CAPZA1: variants seen among roughly 807,000 people sequenced by gnomAD.
CAPZA1 encodes F-actin-capping protein subunit alpha-1.
Under a neutral mutation model 40.8 loss-of-function variants are expected in CAPZA1, and 10 were observed. The observed-to-expected ratio is 0.25, with a 90% CI of 0.15 to 0.42. The LOEUF is 0.42. CAPZA1 is among the 10% of genes least tolerant of loss of function. The pLI is 1.00. For synonymous variants in CAPZA1, 98 were observed against 115.0 expected, an observed-to-expected ratio of 0.85 and a Z score of 0.95; for missense variants, 277 against 353.8, an observed-to-expected ratio of 0.78 and a Z score of 1.74.
intron 7 of CAPZA1, chr1:112,666,781 C>T (rs1374663550): frequency 7.6e-6 from 2 of 264,328 alleles, no homozygotes; most frequent in African/African-American, 4.4e-5. Context: ...ATCTCATTTA[C>T]CTTTGTATTC....
rs759574473 is a variant in CAPZA1, at chr1:112,619,856, C to T, written c.12C>T (p.Phe4=). The T allele has an allele frequency of 3.1e-6, 5 of 1,613,100 alleles. No individual in the cohort carries two copies. Among genetic ancestry groups the T allele is most frequent in the East Asian group, 4.5e-5 (2 of 44,830 alleles). ...CAGAACAGCCCAAGATGGCCGACTT[C>T]GATGATCGTGTGTCGGATGAGGAGA... MAD[F]DDRVSDEEKV... The change falls in exon 1 of 10, where the codon TTC becomes TTT. Residue 4 remains phenylalanine, a synonymous_variant. Coordinates refer to ENST00000263168, the MANE Select transcript of CAPZA1 (RefSeq NM_006135.3).
chr1:112,668,199 C>CAGG (rs1164958977), intron 8 of CAPZA1, among the ~76,000 whole-genome samples: 2 of 152,048 alleles, frequency 1.3e-5, no homozygotes, highest in Non-Finnish European at 2.9e-5. Context: ...CACCTCAGCC[C>CAGG]AGGAAGGTTG....
chr1:112,648,434 T>A (rs565264705), intron 2 of CAPZA1, among the ~76,000 whole-genome samples: 2 of 146,668 alleles, frequency 1.4e-5, no homozygotes, highest in Admixed American at 1.4e-4. Context: ...CTGGAACCCC[T>A]GCCTCCCAAG....
chr1:112,669,353 G>A (rs1032372036), intron 8 of CAPZA1, among the ~76,000 whole-genome samples, 190 bp from the exon 9 acceptor site: 1 of 152,010 alleles, frequency 6.6e-6, no homozygotes, highest in Non-Finnish European at 1.5e-5. Flanking sequence ...TGCAAAATGG[G>A]GGTTATGATT....
At chr1:112,623,375 A>G (rs1670723135) in intron 1 of CAPZA1, among the ~76,000 whole-genome samples, 1 of 152,166 alleles carries the variant, frequency 6.6e-6, no homozygotes, top group South Asian at 2.1e-4. Context: ...GTATTCATAT[A>G]ATCTGTTAAG....
At chr1:112,659,430 A>G in intron 6 of CAPZA1, 1 of 541,178 alleles carries the variant, frequency 1.8e-6, no homozygotes, top group Non-Finnish European at 3.3e-6. Flanking sequence ...CCATGAGCAG[A>G]ATAGGCATGG....
chr1:112,640,920 A>G (rs1488709151), intron 1 of CAPZA1, among the ~76,000 whole-genome samples: 1 of 152,110 alleles, frequency 6.6e-6, no homozygotes, highest in African/African-American at 2.4e-5. Flanking sequence ...CTGTGACCTT[A>G]CCCCCAACCC....
chr1:112,627,951 ACT>A (rs1483854682), intron 1 of CAPZA1, among the ~76,000 whole-genome samples: 10 of 151,828 alleles, frequency 6.6e-5, no homozygotes, highest in Admixed American at 2.6e-4. Flanking sequence ...CAAGAGTGAA[ACT>A]CTGTCTCAAA....
chr1:112,670,404 G>A lies in CAPZA1; in HGVS notation c.*272G>A, dbSNP rs1388359339. 1 of 273,796 alleles carries A rather than the reference G, an allele frequency of 3.7e-6. No homozygotes were observed. Among genetic ancestry groups the A allele is most frequent in the Non-Finnish European group, 6.2e-6 (1 of 161,862 alleles). The allele number at this position is 273,796 out of a possible 1,614,324, so 17.0% of individuals were successfully genotyped here. ...TTTGGTTAATTCTGCCACATTTAAT[G>A]TTGGTGAGAGAGTGATCTATCCTAA... On this transcript the variant is annotated 3_prime_UTR_variant, in exon 10 of 10. Transcript: ENST00000263168.
intron 5 of CAPZA1, 149 bp downstream of exon 5, chr1:112,654,820 G>T (rs549071291): frequency 2.0e-6 from 1 of 497,182 alleles, no homozygotes. Context: ...TTTTGGAAAG[G>T]GGTATAAATG....
rs191060881 is a variant in CAPZA1, at chr1:112,655,597, C to G, written c.426+926C>G. ...TTGTTTTTTGAGACTAAGTCTTACT[C>G]TGTCACCCAGGCTAGAATGCAGGGG... On this transcript the variant is annotated intron_variant, in intron 5 of 9. Transcript: ENST00000263168. Among the ~76,000 whole-genome samples the G allele has an allele frequency of 1.8e-3, 280 of 152,202 alleles. 1 individual carries two copies. Among genetic ancestry groups the G allele is most frequent in the East Asian group, 7.7e-4 (4 of 5,182 alleles).
intron 3 of CAPZA1, among the ~76,000 whole-genome samples, chr1:112,653,287 G>C (rs1671433668): frequency 6.6e-6 from 1 of 152,176 alleles, no homozygotes; most frequent in Non-Finnish European, 1.5e-5. Context: ...AACGTAGTGA[G>C]ACTCTATCTC....
chr1:112,659,015 A>G lies in CAPZA1; in HGVS notation c.427-7A>G. The G allele has an allele frequency of 1.2e-6, 2 of 1,605,108 alleles. No homozygotes were observed. Among genetic ancestry groups the G allele is most frequent in the East Asian group, 4.5e-5 (2 of 44,786 alleles). On this transcript the variant is annotated splice_polypyrimidine_tract_variant and splice_region_variant and intron_variant, in intron 5 of 9. Coordinates refer to ENST00000263168, the MANE Select transcript of CAPZA1 (RefSeq NM_006135.3). ...AGTCTTTAACTATTTTTTTTTCCCA[A>G]CAATAGGTTTATGCTAAAACTATCG...
At chr1:112,659,363 C>T in intron 6 of CAPZA1, 1 of 534,884 alleles carries the variant, frequency 1.9e-6, no homozygotes, top group African/African-American at 1.9e-5. Context: ...AGGGTTACTG[C>T]TACTTGAGTT....
chr1:112,659,645 C>G, intron 6 of CAPZA1, 56 bp from the exon 7 acceptor site: 1 of 1,366,326 alleles, frequency 7.3e-7, no homozygotes. Context: ...AGTGGCAAAT[C>G]ACCTCTTTCT....
chr1:112,641,616 G>A (rs962912739), intron 1 of CAPZA1, among the ~76,000 whole-genome samples: 22 of 151,872 alleles, frequency 1.4e-4, no homozygotes, highest in African/African-American at 7.3e-5. Context: ...GAGGCCGGGC[G>A]CAGTGGCTCA....
At chr1:112,637,427 C>T (rs938546215) in intron 1 of CAPZA1, among the ~76,000 whole-genome samples, 2 of 152,214 alleles carry the variant, frequency 1.3e-5, no homozygotes, top group African/African-American at 4.8e-5. Context: ...AAATCCAGTC[C>T]ACCATCTGTT....
At chr1:112,669,647 A>ATTAT (rs774653670) in intron 9 of CAPZA1, 42 bp downstream of exon 9, 3 of 1,348,888 alleles carry the variant, frequency 2.2e-6, no homozygotes. Flanking sequence ...CTACTATCTT[A>ATTAT]TTATTTCGCT....
At chr1:112,627,775 A>G (rs1303558132) in intron 1 of CAPZA1, among the ~76,000 whole-genome samples, 1 of 152,100 alleles carries the variant, frequency 6.6e-6, no homozygotes, top group Admixed American at 6.5e-5. Context: ...AGCCTGACCA[A>G]CATGGAGAAA....
Sources: gnomAD v4.1 joint callset for allele counts (sites outside exome capture counted in the v4.1 genomes callset) on GRCh38, gnomAD v4.1.1 for gene constraint, MANE v1.5 for transcripts, NCBI Gene and HGNC (gene_info 2026-07-23, HGNC 2026-07-21) for gene names.